The following SHISA9 variants were observed in gnomAD, a reference collection of about 807,000 sequenced individuals.
The protein encoded by SHISA9 is shisa family member 9, also known as protein shisa-9.
A neutral mutation model predicts 38.0 loss-of-function variants in SHISA9; 13 were observed. The ratio of observed to expected loss-of-function variants is 0.34; its 90% CI spans 0.22 to 0.54. The LOEUF (loss-of-function observed/expected upper bound fraction) is 0.54. Among genes scored for constraint, SHISA9 ranks in the 20% least tolerant of loss-of-function variants. The probability of loss-of-function intolerance (pLI) is 0.91; values close to 1 mark genes in which losing one functional copy is unlikely to be tolerated. For synonymous variants in SHISA9, 275 were observed against 242.0 expected (o/e 1.14, Z -1.27); for missense variants, 538 against 575.8 (o/e 0.93, Z 0.67).
chr16:13,124,000 C>G (rs779854843), intron 2 of SHISA9, among the ~76,000 whole-genome samples: 2 of 152,186 alleles, frequency 1.3e-5, no homozygotes, highest in African/African-American at 4.8e-5. Context: ...TTCCATGCAC[C>G]GCATCGTATC....
At chr16:12,978,950 A>C (rs573329798) in intron 2 of SHISA9, among the ~76,000 whole-genome samples, 2 of 152,294 alleles carry the variant, frequency 1.3e-5, no homozygotes, top group South Asian at 4.1e-4. Flanking sequence ...TCCATAATGA[A>C]ATGTTGGGGG....
At chr16:13,388,555 G>A in the SHISA9 span, among the ~76,000 whole-genome samples, 23 of 152,044 alleles carry the variant, frequency 1.5e-4, no homozygotes, top group Non-Finnish European at 1.0e-4. Flanking sequence ...CACCCATCTC[G>A]GCCTCCCAAA....
the SHISA9 span, among the ~76,000 whole-genome samples, chr16:13,482,704 G>T: frequency 1.3e-5 from 2 of 151,800 alleles, no homozygotes; most frequent in Non-Finnish European, 2.9e-5. Context: ...AGAAGGCTGA[G>T]GCAGGAGAAC....
At chr16:13,378,199 C>T in the SHISA9 span, among the ~76,000 whole-genome samples, 1 of 152,210 alleles carries the variant, frequency 6.6e-6, no homozygotes, top group Non-Finnish European at 1.5e-5. Flanking sequence ...TAATGACCCA[C>T]ATACTTGAAT....
At chr16:13,394,184 G>A in the SHISA9 span, among the ~76,000 whole-genome samples, 1 of 152,146 alleles carries the variant, frequency 6.6e-6, no homozygotes, top group Non-Finnish European at 1.5e-5. Flanking sequence ...GTAGAAACTA[G>A]TCCAGAGAGA....
intron 4 of SHISA9, among the ~76,000 whole-genome samples, chr16:13,228,124 A>G (rs1310370563): frequency 1.3e-5 from 2 of 152,188 alleles, no homozygotes. Context: ...ACAGGCATAA[A>G]TGGTTAAGTG....
chr16:13,094,197 C>T (rs947208043), intron 2 of SHISA9, among the ~76,000 whole-genome samples: 1 of 152,112 alleles, frequency 6.6e-6, no homozygotes, highest in Admixed American at 6.5e-5. Flanking sequence ...CAACCGTGCT[C>T]CTCTGATACG....
chr16:12,915,838 C>T (rs2071246450), intron 1 of SHISA9, among the ~76,000 whole-genome samples: 1 of 152,062 alleles, frequency 6.6e-6, no homozygotes, highest in Non-Finnish European at 1.5e-5. Flanking sequence ...ACAACAATAC[C>T]TACAAAAATA....
the SHISA9 span, among the ~76,000 whole-genome samples, chr16:13,273,707 C>G: frequency 1.0e-3 from 153 of 152,238 alleles, 1 homozygote; most frequent in African/African-American, 3.5e-3. Context: ...ATGGGAATGC[C>G]TATTGCACAG....
chr16:13,489,096 G>A, the SHISA9 span, among the ~76,000 whole-genome samples: 3 of 151,944 alleles, frequency 2.0e-5, no homozygotes, highest in African/African-American at 7.3e-5. Context: ...ACCTAGGCTG[G>A]AGTATAATGG....
At chr16:13,168,259 G>C (rs1400086918) in intron 2 of SHISA9, among the ~76,000 whole-genome samples, 1 of 152,210 alleles carries the variant, frequency 6.6e-6, no homozygotes, top group Admixed American at 6.6e-5. Context: ...AGCTCAGTTA[G>C]ACAAGACCAG....
At chr16:13,319,738 C>T in the SHISA9 span, among the ~76,000 whole-genome samples, 1 of 151,734 alleles carries the variant, frequency 6.6e-6, no homozygotes, top group African/African-American at 2.4e-5. Flanking sequence ...TCAGCTGTGG[C>T]CCCTTCTGGG....
At chr16:13,287,228 T>G in the SHISA9 span, among the ~76,000 whole-genome samples, 3 of 152,188 alleles carry the variant, frequency 2.0e-5, no homozygotes, top group Non-Finnish European at 2.9e-5. Context: ...GGTTCATTGA[T>G]GGAGAAGAGT....
chr16:13,209,895 T>C (rs183701667), intron 3 of SHISA9, among the ~76,000 whole-genome samples: 1,615 of 152,272 alleles, frequency 0.011, 27 homozygotes, highest in African/African-American at 0.037. Context: ...GGTCAGGAGA[T>C]CGAGACCATC....
At chr16:13,443,080 A>G in the SHISA9 span, among the ~76,000 whole-genome samples, 1 of 152,214 alleles carries the variant, frequency 6.6e-6, no homozygotes, top group Non-Finnish European at 1.5e-5. Context: ...CCATAAAAGG[A>G]CTTTCCATTA....
intron 2 of SHISA9, among the ~76,000 whole-genome samples, chr16:13,122,934 C>A (rs2141979635): frequency 6.6e-6 from 1 of 152,302 alleles, no homozygotes; most frequent in East Asian, 1.9e-4. Context: ...GTAGTTCCAG[C>A]TACCTGGGAG....
rs1212056178 is a variant in SHISA9, at chr16:12,936,048, C to T, written c.691+19233C>T. On this transcript the variant is annotated intron_variant, in intron 2 of 4. Coordinates refer to ENST00000558583, the MANE Select transcript of SHISA9 (RefSeq NM_001145204.3). ...ATGAAGCCGACTGACAAATGGAAGGCTTAGAAGTCCAGGTAAGGGAATTTA... is the reference window on the plus strand; with the variant it reads ...ATGAAGCCGACTGACAAATGGAAGGTTTAGAAGTCCAGGTAAGGGAATTTA... Among the ~76,000 whole-genome samples the T allele has an allele frequency of 3.9e-5, 6 of 152,190 alleles. No individual in the cohort carries two copies. In the South Asian group the frequency reaches 1.2e-3, roughly 32 times the overall value.
At chr16:12,925,875 T>C (rs539111209) in intron 2 of SHISA9, among the ~76,000 whole-genome samples, 2 of 152,238 alleles carry the variant, frequency 1.3e-5, no homozygotes, top group Admixed American at 1.3e-4. Flanking sequence ...ACATGCATGC[T>C]CTTTTTGGTA....
the SHISA9 span, among the ~76,000 whole-genome samples, chr16:13,402,929 T>C: frequency 1.3e-5 from 2 of 152,154 alleles, no homozygotes; most frequent in Non-Finnish European, 2.9e-5. Flanking sequence ...CCATCCTGGC[T>C]AACACAGTCA....
Sources: allele counts gnomAD v4.1 joint callset (sites outside exome capture counted in the v4.1 genomes callset), GRCh38; gene constraint gnomAD v4.1.1; transcripts MANE v1.5; gene names NCBI Gene and HGNC (gene_info 2026-07-23, HGNC 2026-07-21).